Variants in SNRNP200 observed in about 807,000 individuals in gnomAD.
The protein encoded by SNRNP200 is U5 small nuclear ribonucleoprotein 200 kDa helicase.
SNRNP200 carries 66 observed loss-of-function variants against 255.2 expected under a neutral mutation model. The ratio of observed to expected loss-of-function variants is 0.26; its 90% confidence interval spans 0.21 to 0.32. The LOEUF is 0.32. Among genes scored for constraint, SNRNP200 ranks in the 10% least tolerant of loss-of-function variants. The pLI is 1.00. For missense variants in SNRNP200, 1,585 were observed against 2,749.8 expected (o/e 0.58, Z 9.47); for synonymous variants, 939 against 1,027.8 (o/e 0.91, Z 1.65).
chr2:96,286,911 G>A lies in SNRNP200; in HGVS notation c.3640-34C>T. 1.2e-6 allele frequency: 2 copies of A among 1,614,130 alleles called. No individual in the cohort carries two copies. The highest frequency in any genetic ancestry group is 2.2e-5 in the South Asian group (2 of 91,080). ...AGGAGCAAGGGTAAAAGGAATGTGA[G>A]TCAACGTAGACTGAGTGCCTCCAAT... On this transcript the variant is annotated intron_variant, in intron 27 of 44. Transcript: ENST00000323853. The surrounding 1 kb of genome is among the most constrained non-coding windows in gnomAD (Gnocchi z 4.8).
chr2:96,301,839 T>C, intron 3 of SNRNP200, 123 bp from the exon 4 acceptor site: 1 of 941,560 alleles, frequency 1.1e-6, no homozygotes, highest in Non-Finnish European at 1.7e-6. Flanking sequence ...CATACTAGGC[T>C]CTGACCTTTC....
chr2:96,284,396 C>A lies in SNRNP200; in HGVS notation c.4354G>T (p.Val1452Leu), dbSNP rs2063829024. Residue 1452 changes from valine (V) to leucine (L), a missense_variant, in exon 31 of 45, where the codon GTG (valine) becomes TTG (leucine). By Grantham distance (32) the Val-to-Leu change is conservative. Transcript: ENST00000323853. ...RKNVQNINLF[V>L]VDEVHLIGGE... ...CCGATAAGGTGGACCTCATCCACCA[C>A]GAAGAGGTTGATGTTCTGCACGTTC... is the stretch of plus-strand genomic sequence containing the variant. 1.2e-6 allele frequency: 2 copies of A among 1,614,160 alleles called. No homozygotes were observed.
chr2:96,287,139 T>C lies in SNRNP200; in HGVS notation c.3506A>G (p.Lys1169Arg). 1 of 1,614,228 alleles carries C rather than the reference T, an allele frequency of 6.2e-7. No individual in the cohort carries two copies. Among genetic ancestry groups the C allele is most frequent in the Non-Finnish European group, 8.5e-7 (1 of 1,180,040 alleles). Residue 1169 changes from lysine (K) to arginine (R), a missense_variant, in exon 27 of 45, where the codon AAG becomes AGG. Lys to Arg is a conservative substitution (Grantham distance 26, BLOSUM62 2). This residue lies in a region of SNRNP200 where 719 missense variants were observed against 1,091.1 expected (regional missense o/e 0.66). Coordinates refer to ENST00000323853, the MANE Select transcript of SNRNP200 (RefSeq NM_014014.5). The surrounding 1 kb of genome is among the most constrained non-coding windows in gnomAD (Gnocchi z 5.7). ...ATATTTGTGGATGGTCTTCCCCATC[T>C]TTGGCATGCGGATAAGCTCCCCTAC... ...NEIGELIRMP[K>R]MGKTIHKYVH...
At position 96,283,079 on chromosome 2, in the gene SNRNP200, TAA is replaced by T. The variant is rs1017996369; in HGVS notation, c.4915+120_4915+121del. On this transcript the variant is annotated intron_variant, in intron 34 of 44. Transcript: ENST00000323853. The surrounding 1 kb of genome is among the most constrained non-coding windows in gnomAD (Gnocchi z 4.7). ...CAAATGAGTTAACAGCCAAGAGTCCTAAACAGTATTTTGAAAATCTCTGGTAT... is the reference window on the plus strand; with the variant it reads ...CAAATGAGTTAACAGCCAAGAGTCCTACAGTATTTTGAAAATCTCTGGTAT... 10 of 1,315,558 alleles carry T rather than the reference TAA, an allele frequency of 7.6e-6. No homozygotes were observed. The Admixed American group carries it at 1.5e-4, about 20-fold the overall frequency. 81.5% of individuals were successfully genotyped at this position (1,315,558 alleles called of 1,614,324 possible). A position where few individuals can be genotyped will look rare whatever the true frequency, so the allele number is the denominator to read the frequency against.
chr2:96,298,034 C>A (rs2063929597), intron 9 of SNRNP200, among the ~76,000 whole-genome samples: 1 of 151,482 alleles, frequency 6.6e-6, no homozygotes, highest in Non-Finnish European at 1.5e-5. Context: ...TTAGTAAACA[C>A]CATGGATTTA....
chr2:96,304,582 C>T, intron 2 of SNRNP200, 123 bp downstream of exon 2: 1 of 1,343,532 alleles, frequency 7.4e-7, no homozygotes. Context: ...CTGTTTTTAC[C>T]TTCACTGAAT....
At chr2:96,276,091 C>T (rs1684653240) in intron 43 of SNRNP200, among the ~76,000 whole-genome samples, 2 of 152,228 alleles carry the variant, frequency 1.3e-5, no homozygotes, top group African/African-American at 2.4e-5. Context: ...CGGGCTGCCC[C>T]GCTGTCACAA....
Position 96,299,329 on chromosome 2 carries a change from A to G in SNRNP200, c.729T>C (p.Asn243=), listed in dbSNP as rs765075630. Residue 243 remains asparagine (N), a splice_region_variant and synonymous_variant, in exon 6 of 45, where the codon AAT becomes AAC. Coordinates refer to ENST00000323853, the MANE Select transcript of SNRNP200 (RefSeq NM_014014.5). ...EAVVRCTLSA[N]LVASGELMSS... Reference sequence around the variant, plus strand: ...ATGAGGAAGAGCAAACTGAACTTACATTAGCCGAGAGGGTGCAGCGCACGA... The same window carrying G: ...ATGAGGAAGAGCAAACTGAACTTACGTTAGCCGAGAGGGTGCAGCGCACGA... 7 of 1,613,868 alleles carry G rather than the reference A, an allele frequency of 4.3e-6. No homozygotes were observed. Among genetic ancestry groups the G allele is most frequent in the Non-Finnish European group, 5.1e-6 (6 of 1,179,826 alleles).
rs1441814288 is a variant in SNRNP200, at chr2:96,303,227, T to C, written c.313A>G (p.Lys105Glu). 2 of 1,614,120 alleles carry C rather than the reference T, an allele frequency of 1.2e-6. No individual in the cohort carries two copies. The highest frequency in any genetic ancestry group is 1.7e-6 in the Non-Finnish European group (2 of 1,180,050). The change falls in exon 3 of 45, where the codon AAA becomes GAA. Residue 105 changes from lysine (K) to glutamate (E), a missense_variant. Physicochemically the swap from Lys to Glu is moderately conservative, Grantham distance 56 (BLOSUM62 1). Around this residue, in one of 9 missense-constraint regions of SNRNP200, gnomAD observed 383 missense variants for 645.3 expected, o/e 0.59. Transcript: ENST00000323853. ...TAGGTCTCCCGAGTCTCTTTAGTTTTGGGCTTGTAGATGATGCCCACCATC... is the reference window on the plus strand; with the variant it reads ...TAGGTCTCCCGAGTCTCTTTAGTTTCGGGCTTGTAGATGATGCCCACCATC... ...DEMVGIIYKP[K>E]TKETRETYEV...
In SNRNP200 at chr2:96,287,193, C is replaced by T; in HGVS notation, c.3485-33G>A. The T allele has an allele frequency of 6.2e-7, 1 of 1,613,868 alleles. No individual in the cohort carries two copies. The highest frequency in any genetic ancestry group is 1.1e-5 in the South Asian group (1 of 91,042). The stretch of plus-strand genomic sequence containing the variant: ...GAAATGAGAGTACTGAGGCTGCAGC[C>T]CAGCCTGCCTACTATACTGCAAACT... On this transcript the variant is annotated intron_variant, in intron 26 of 44. Coordinates refer to ENST00000323853, the MANE Select transcript of SNRNP200 (RefSeq NM_014014.5). The surrounding 1 kb of genome is among the most constrained non-coding windows in gnomAD (Gnocchi z 5.7).
chr2:96,290,128 G>T lies in SNRNP200; in HGVS notation c.2743-132C>A. ...TTACATCGTATTCTGAATGTTTTTA[G>T]CATTTCATTATTAAAAAGATCTAAG... On this transcript the variant is annotated intron_variant, in intron 20 of 44. Transcript: ENST00000323853. This position sits in a 1 kb window ranked among gnomAD's most constrained non-coding sequence, Gnocchi z 4.5. The T allele has an allele frequency of 9.5e-7, 1 of 1,053,854 alleles. No individual in the cohort carries two copies. The highest frequency in any genetic ancestry group is 1.5e-6 in the Non-Finnish European group (1 of 681,054). The allele number at this position is 1,053,854 out of a possible 1,614,324, so 65.3% of individuals were successfully genotyped here.
intron 34 of SNRNP200, 185 bp from the exon 35 acceptor site, chr2:96,282,107 G>A (rs1684771047): frequency 3.4e-6 from 2 of 590,520 alleles, no homozygotes; most frequent in Admixed American, 2.6e-5. Context: ...CCACGCTGCT[G>A]GTGCCTTGCT....
chr2:96,305,366 G>C, intron 1 of SNRNP200, 27 bp downstream of exon 1: 1 of 1,614,048 alleles, frequency 6.2e-7, no homozygotes, highest in African/African-American at 1.3e-5. Flanking sequence ...TCCTGAGCCT[G>C]GAATCCTTCC....
chr2:96,297,596 C>G (rs1387452471), intron 10 of SNRNP200, 41 bp downstream of exon 10: 6 of 1,614,154 alleles, frequency 3.7e-6, no homozygotes, highest in Non-Finnish European at 5.1e-6. Flanking sequence ...GTGAGTTTTC[C>G]ATCCATCAAG....
In SNRNP200 at chr2:96,283,728, G is replaced by A; in HGVS notation, c.4585-15C>T. 6.2e-7 allele frequency: 1 copy of A among 1,614,080 alleles called. No homozygotes were observed. Among genetic ancestry groups the A allele is most frequent in the Non-Finnish European group, 8.5e-7 (1 of 1,180,038 alleles). On this transcript the variant is annotated splice_polypyrimidine_tract_variant and intron_variant, in intron 32 of 44. Coordinates refer to ENST00000323853, the MANE Select transcript of SNRNP200 (RefSeq NM_014014.5). This position sits in a 1 kb window ranked among gnomAD's most constrained non-coding sequence, Gnocchi z 4.7. ...ATGTTGAAGCCCTGGCGACCGGGGA[G>A]AAGAAAAGACACCAAGGTTATCAGA...
At chr2:96,299,816 A>C (rs763488994) in intron 5 of SNRNP200, among the ~76,000 whole-genome samples, 5 of 152,158 alleles carry the variant, frequency 3.3e-5, no homozygotes, top group African/African-American at 1.2e-4. Context: ...TCACCACTCT[A>C]TTTACTCATA....
rs759097923 is a variant in SNRNP200 at position 96,277,047 on chromosome 2, A to C, written c.6092+34T>G. Reference sequence around the variant, plus strand: ...GGCAGTGGGCTCAGAGCACACTATTATGCTGTGCCCAACAGGCACCACCTC... The same window carrying C: ...GGCAGTGGGCTCAGAGCACACTATTCTGCTGTGCCCAACAGGCACCACCTC... On this transcript the variant is annotated intron_variant, in intron 42 of 44. Coordinates refer to ENST00000323853, the MANE Select transcript of SNRNP200 (RefSeq NM_014014.5). The surrounding 1 kb of genome is among the most constrained non-coding windows in gnomAD (Gnocchi z 4.4). 6.2e-7 allele frequency: 1 copy of C among 1,613,936 alleles called. No homozygotes were observed. The highest frequency in any genetic ancestry group is 1.7e-5 in the Admixed American group (1 of 60,022).
chr2:96,282,265 A>C (rs2063804674), intron 34 of SNRNP200: 1 of 319,772 alleles, frequency 3.1e-6, no homozygotes, highest in Non-Finnish European at 6.2e-6. Flanking sequence ...CATGCCAGCA[A>C]AACAGAGATC....
Position 96,305,534 on chromosome 2 carries a change from G to A in SNRNP200, c.-97C>T, listed in dbSNP as rs2063983086. On this transcript the variant is annotated 5_prime_UTR_variant, in exon 1 of 45. Transcript: ENST00000323853. ...GCTCCCGCCGCGCCGGAACGACGCA[G>A]GAAAGACGCACTGGGGAAGGAAAAG... The A allele has an allele frequency of 1.9e-6, 3 of 1,539,598 alleles. No homozygotes were observed. The highest frequency in any genetic ancestry group is 4.5e-5 in the East Asian group (2 of 44,420).
Sources: allele counts gnomAD v4.1 joint callset (sites outside exome capture counted in the v4.1 genomes callset), GRCh38; gene constraint gnomAD v4.1.1; regional missense constraint gnomAD v4.1.1; non-coding constraint Gnocchi (gnomAD v3.1); transcripts MANE v1.5; gene names NCBI Gene and HGNC (gene_info 2026-07-23, HGNC 2026-07-21).